Variants in PICALM observed in about 807,000 individuals in gnomAD.
PICALM encodes the protein phosphatidylinositol-binding clathrin assembly protein.
In PICALM, 40 loss-of-function variants were observed where a neutral mutation model predicts 80.5. The observed-to-expected ratio is 0.50, with a 90% CI of 0.39 to 0.65. The LOEUF is 0.65. Among genes scored for constraint, PICALM ranks in the 30% least tolerant of loss-of-function variants. The pLI is 0.00. For synonymous variants in PICALM, 288 were observed against 260.3 expected, an observed-to-expected ratio of 1.11 and a Z score of -1.02; for missense variants, 676 against 778.9, an observed-to-expected ratio of 0.87 and a Z score of 1.57.
chr11:85,968,685 A>G (rs2093991194), intron 19 of PICALM, among the ~76,000 whole-genome samples: 1 of 152,170 alleles, frequency 6.6e-6, no homozygotes, highest in Non-Finnish European at 1.5e-5. Context: ...CCAGTAAGAG[A>G]AAGCAGGAGT....
chr11:85,959,394 G>C (rs1039131275), intron 19 of PICALM, among the ~76,000 whole-genome samples: 1 of 152,120 alleles, frequency 6.6e-6, no homozygotes, highest in Non-Finnish European at 1.5e-5. Flanking sequence ...CTGGGAGGCT[G>C]AGGTGGGCAG....
At chr11:85,966,040 C>T (rs1241290622) in intron 19 of PICALM, among the ~76,000 whole-genome samples, 1 of 151,924 alleles carries the variant, frequency 6.6e-6, no homozygotes, top group East Asian at 1.9e-4. Flanking sequence ...TGGTTTCGAA[C>T]TCTTGACCTC....
rs560031940 is a variant in PICALM, at chr11:86,033,825, T to G, written c.131-2214A>C. On this transcript the variant is annotated intron_variant, in intron 1 of 19. Coordinates refer to ENST00000393346, the MANE Select transcript of PICALM (RefSeq NM_007166.4). ...TTTTTAAGACACATTCATTTTGGTA[T>G]GCATATGGGTATTCTTAACATGACA... Among the ~76,000 whole-genome samples the G allele has an allele frequency of 7.9e-5, 12 of 152,320 alleles. No individual in the cohort carries two copies. In the South Asian group the frequency reaches 2.3e-3, roughly 29 times the overall value.
At chr11:86,068,268 A>G (rs2458500) in intron 1 of PICALM, among the ~76,000 whole-genome samples, 124,517 of 152,156 alleles carry the variant, frequency 0.82, 51,156 homozygotes, top group African/African-American at 0.89. Context: ...AGACGCTCAG[A>G]CGAGGGCGAC....
chr11:85,981,182 A>C lies in PICALM; in HGVS notation c.1726T>G (p.Ser576Ala). The C allele has an allele frequency of 6.2e-7, 1 of 1,609,568 alleles. No homozygotes were observed. The highest frequency in any genetic ancestry group is 8.5e-7 in the Non-Finnish European group (1 of 1,175,864). The change falls in exon 17 of 20, where the codon TCT becomes GCT. Residue 576 changes from serine to alanine, a missense_variant. By Grantham distance (99) the Ser-to-Ala change is moderately conservative (BLOSUM62 1). Around this residue, in one of 2 missense-constraint regions of PICALM, gnomAD observed 391 missense variants for 383.6 expected, o/e 1.02. Transcript: ENST00000393346. The stretch of plus-strand genomic sequence containing the variant: ...GGTGCAACCTTTGGTTGCCAGTTAG[A>C]TCCCCCAGTTAACTTCTTTTCACCT... ...QPGEKKLTGG[S>A]NWQPKVAPTT... is the part of the protein sequence containing the mutation.
intron 11 of PICALM, among the ~76,000 whole-genome samples, chr11:85,999,848 C>A (rs191107515): frequency 6.6e-6 from 1 of 152,316 alleles, no homozygotes; most frequent in East Asian, 1.9e-4. Flanking sequence ...CTGGGAGCAT[C>A]TTAAAAACAA....
intron 1 of PICALM, among the ~76,000 whole-genome samples, chr11:86,053,493 A>C (rs1261260406): frequency 3.3e-5 from 5 of 152,216 alleles, no homozygotes; most frequent in African/African-American, 4.8e-5. Flanking sequence ...ATTAACTGCC[A>C]AATTTAATTT....
chr11:86,045,519 C>CAAAAAAA (rs71040207), intron 1 of PICALM, among the ~76,000 whole-genome samples: 626 of 47,788 alleles, frequency 0.013, 62 homozygotes, highest in South Asian at 0.024. Flanking sequence ...TCTTGAAATT[C>CAAAAAAA]AAAAAAAAAA....
chr11:86,003,287 C>A, intron 9 of PICALM, 79 bp downstream of exon 9: 1 of 695,870 alleles, frequency 1.4e-6, no homozygotes, highest in Non-Finnish European at 2.5e-6. Flanking sequence ...AGAAATTAAA[C>A]AGCTTGGAAC....
At chr11:86,068,604 G>C (rs778250796) in intron 1 of PICALM, 47 bp downstream of exon 1, 4 of 1,571,702 alleles carry the variant, frequency 2.5e-6, no homozygotes, top group African/African-American at 1.4e-5. Context: ...GACGCGCGCG[G>C]GTCGCGCGGG....
chr11:86,027,349 T>C (rs1243521899), intron 2 of PICALM, among the ~76,000 whole-genome samples: 3 of 152,172 alleles, frequency 2.0e-5, no homozygotes, highest in African/African-American at 4.8e-5. Context: ...TACATAACCT[T>C]AGTCTCCTTC....
At chr11:85,977,987 G>GTTT (rs1474613403) in intron 17 of PICALM, 1 of 1,003,028 alleles carries the variant, frequency 1.0e-6, no homozygotes, top group African/African-American at 1.6e-5. Flanking sequence ...ACAAGTAATA[G>GTTT]CTGAAAGGTT....
intron 1 of PICALM, among the ~76,000 whole-genome samples, chr11:86,043,812 CAGA>C (rs920885639): frequency 6.6e-6 from 1 of 152,144 alleles, no homozygotes; most frequent in Non-Finnish European, 1.5e-5. Flanking sequence ...AGTAGGAATC[CAGA>C]AGATTTTTCA....
At chr11:86,024,351 T>C (rs1654744854) in intron 3 of PICALM, among the ~76,000 whole-genome samples, 1 of 150,914 alleles carries the variant, frequency 6.6e-6, no homozygotes, top group African/African-American at 2.4e-5. Flanking sequence ...AAGCAATACC[T>C]GCACTTACCA....
chr11:86,001,591 A>G (rs2095147116), intron 9 of PICALM, among the ~76,000 whole-genome samples: 2 of 152,242 alleles, frequency 1.3e-5, no homozygotes, highest in South Asian at 2.1e-4. Flanking sequence ...CAAAACATGC[A>G]TACCAGTAAC....
At chr11:86,049,494 C>T (rs963767426) in intron 1 of PICALM, among the ~76,000 whole-genome samples, 2 of 152,062 alleles carry the variant, frequency 1.3e-5, no homozygotes, top group East Asian at 1.9e-4. Flanking sequence ...CATGACAGCT[C>T]GCCTGAAATA....
At chr11:86,051,717 T>G (rs142364894) in intron 1 of PICALM, among the ~76,000 whole-genome samples, 4 of 152,246 alleles carry the variant, frequency 2.6e-5, no homozygotes, top group African/African-American at 9.6e-5. Context: ...ATCTTACATA[T>G]TTACATAAAT....
chr11:86,013,296 C>G (rs116005166), intron 5 of PICALM, among the ~76,000 whole-genome samples: 242 of 151,938 alleles, frequency 1.6e-3, no homozygotes, highest in African/African-American at 5.5e-3. Flanking sequence ...GCCAGGGTGA[C>G]AGAGAAAAAT....
rs142905622 is a variant in PICALM at position 86,007,260 on chromosome 11, GT to G, written c.807+281del. ...ATTTTCTAAATTCAGGTTCCAAAAA[GT>G]TTTTTTTTCCTTTTTTAAACAATGA... On this transcript the variant is annotated intron_variant, in intron 8 of 19. Coordinates refer to ENST00000393346, the MANE Select transcript of PICALM (RefSeq NM_007166.4). The G allele has an allele frequency of 3.3e-3, 629 of 192,656 alleles. 2 individuals are homozygous for G. Among genetic ancestry groups the G allele is most frequent in the African/African-American group, 0.013 (572 of 42,622 alleles). The allele number at this position is 192,656 out of a possible 1,614,324, so 11.9% of individuals were successfully genotyped here.
Sources: gnomAD v4.1 joint callset for allele counts (sites outside exome capture counted in the v4.1 genomes callset) on GRCh38, gnomAD v4.1.1 for gene constraint, gnomAD v4.1.1 regional missense constraint, MANE v1.5 for transcripts, NCBI Gene and HGNC (gene_info 2026-07-23, HGNC 2026-07-21) for gene names.